Variants in POU2F1 observed in about 807,000 individuals in gnomAD.
The protein encoded by POU2F1 is POU class 2 homeobox 1.
A neutral mutation model predicts 84.9 loss-of-function variants in POU2F1; 16 were observed. The observed-to-expected ratio is 0.19, with a 90% confidence interval of 0.13 to 0.29. The LOEUF is 0.29. Among genes scored for constraint, POU2F1 ranks in the 10% least tolerant of loss-of-function variants. The pLI is 1.00. For missense variants in POU2F1, 738 were observed against 942.6 expected (o/e 0.78, Z 2.84); for synonymous variants, 368 against 368.3 (o/e 1.00, Z 0.01).
chr1:167,414,399 TC>T, intron 15 of POU2F1: 1 of 985,402 alleles, frequency 1.0e-6, no homozygotes, highest in Non-Finnish European at 1.2e-6. Flanking sequence ...CTGCACTGTC[TC>T]ACTGTTCTGT....
At chr1:167,267,391 C>T in intron 1 of POU2F1, among the ~76,000 whole-genome samples, 1 of 136,078 alleles carries the variant, frequency 7.3e-6, no homozygotes, top group Non-Finnish European at 1.6e-5. Flanking sequence ...GTTTTACAAT[C>T]AGGAAAAAAA....
At chr1:167,404,299 A>G (rs1174025841) in intron 13 of POU2F1, among the ~76,000 whole-genome samples, 1 of 151,632 alleles carries the variant, frequency 6.6e-6, no homozygotes, top group Non-Finnish European at 1.5e-5. Flanking sequence ...TGAATGCAAG[A>G]TTACATTACT....
In POU2F1 at chr1:167,399,225, G is replaced by A. The variant is rs767793593; in HGVS notation, c.1309G>A (p.Asp437Asn). Residue 437 changes from aspartate (D) to asparagine (N), a missense_variant, in exon 12 of 16, where the codon GAT becomes AAT. This residue lies in a region of POU2F1 where 95 missense variants were observed against 195.1 expected (regional missense o/e 0.49). Coordinates refer to ENST00000367866, the MANE Select transcript of POU2F1 (RefSeq NM_002697.4). ...PTSEEITMIA[D>N]QLNMEKEVIR... ...CTCGGAAGAGATCACTATGATTGCT[G>A]ATCAGCTCAATATGGAAAAAGAGGT... The A allele has an allele frequency of 1.9e-6, 3 of 1,613,708 alleles. No individual in the cohort carries two copies. Among genetic ancestry groups the A allele is most frequent in the Non-Finnish European group, 2.5e-6 (3 of 1,179,892 alleles).
intron 1 of POU2F1, among the ~76,000 whole-genome samples, chr1:167,323,828 G>T: frequency 6.6e-6 from 1 of 152,090 alleles, no homozygotes; most frequent in East Asian, 1.9e-4. Context: ...GAGTAGTTGG[G>T]ACTATAGGCG....
intron 1 of POU2F1, among the ~76,000 whole-genome samples, chr1:167,246,985 C>T (rs2102391580): frequency 6.6e-6 from 1 of 151,518 alleles, no homozygotes; most frequent in Middle Eastern, 3.4e-3. Flanking sequence ...GAACCACGTG[C>T]TATAGAGTTT....
At chr1:167,276,394 ATTATTC>A (rs1425035171) in intron 1 of POU2F1, among the ~76,000 whole-genome samples, 2 of 152,142 alleles carry the variant, frequency 1.3e-5, no homozygotes, top group Non-Finnish European at 1.5e-5. Context: ...CTTCTATTTT[ATTATTC>A]TTATTGTTAA....
intron 1 of POU2F1, 121 bp downstream of exon 1, chr1:167,221,079 T>TG (rs905125263): frequency 5.2e-5 from 44 of 847,544 alleles, no homozygotes; most frequent in East Asian, 1.9e-4. Flanking sequence ...GGCGGGGAGA[T>TG]GGGGGGCCGG....
Position 167,416,106 on chromosome 1 carries a change from A to G in POU2F1, c.*296A>G. On this transcript the variant is annotated 3_prime_UTR_variant, in exon 16 of 16. Coordinates refer to ENST00000367866, the MANE Select transcript of POU2F1 (RefSeq NM_002697.4). ...AAAAATTAAAAAAAAAAAAAAAAAAAGAAACAAAAAAATCAAAAACAAACA... is the reference window on the plus strand; with the variant it reads ...AAAAATTAAAAAAAAAAAAAAAAAAGGAAACAAAAAAATCAAAAACAAACA... 9 of 490,094 alleles carry G rather than the reference A, an allele frequency of 1.8e-5. No individual in the cohort carries two copies. Among genetic ancestry groups the G allele is most frequent in the East Asian group, 9.4e-5 (2 of 21,380 alleles). 30.4% of individuals were successfully genotyped at this position (490,094 alleles called of 1,614,324 possible).
chr1:167,227,351 T>TC (rs1245514293), intron 1 of POU2F1, among the ~76,000 whole-genome samples: 2 of 152,090 alleles, frequency 1.3e-5, no homozygotes, highest in East Asian at 1.9e-4. Flanking sequence ...ATGGCAGGTT[T>TC]CCCCCCCTCT....
intron 9 of POU2F1, among the ~76,000 whole-genome samples, 163 bp downstream of exon 9, chr1:167,389,924 T>G (rs960092209): frequency 6.6e-6 from 1 of 152,236 alleles, no homozygotes; most frequent in Non-Finnish European, 1.5e-5. Flanking sequence ...ATGTATAGAC[T>G]TTTTTCTTGC....
At chr1:167,292,296 G>A (rs71630396) in intron 1 of POU2F1, among the ~76,000 whole-genome samples, 3,514 of 151,952 alleles carry the variant, frequency 0.023, 66 homozygotes, top group Non-Finnish European at 0.037. Context: ...CTACTTATTG[G>A]TGCAATTTTT....
intron 10 of POU2F1, among the ~76,000 whole-genome samples, chr1:167,397,263 T>G (rs958428976): frequency 3.9e-5 from 6 of 152,252 alleles, no homozygotes; most frequent in African/African-American, 1.4e-4. Context: ...TTGTTTCTTT[T>G]CTTTTTACCC....
intron 1 of POU2F1, among the ~76,000 whole-genome samples, chr1:167,257,384 A>G (rs976577020): frequency 6.6e-6 from 1 of 152,210 alleles, no homozygotes; most frequent in African/African-American, 2.4e-5. Context: ...CCTATGTCCA[A>G]ATGATGAGAG....
At chr1:167,313,067 A>C (rs1398144836) in intron 1 of POU2F1, among the ~76,000 whole-genome samples, 1 of 152,244 alleles carries the variant, frequency 6.6e-6, no homozygotes, top group Non-Finnish European at 1.5e-5. Context: ...ATTTCTTAGA[A>C]TATAGCCCCA....
intron 1 of POU2F1, among the ~76,000 whole-genome samples, chr1:167,252,553 C>G (rs1175842678): frequency 6.6e-6 from 1 of 152,168 alleles, no homozygotes; most frequent in Non-Finnish European, 1.5e-5. Flanking sequence ...GAAGGGGAAC[C>G]AGCGCCCTAT....
At chr1:167,294,578 AAC>A (rs1347595985) in intron 1 of POU2F1, among the ~76,000 whole-genome samples, 1 of 152,176 alleles carries the variant, frequency 6.6e-6, no homozygotes, top group African/African-American at 2.4e-5. Context: ...GCAGGAGAAA[AAC>A]ACAAATAATT....
Position 167,233,967 on chromosome 1 carries a change from G to A in POU2F1, c.61+13009G>A, listed in dbSNP as rs1367968323. Among the ~76,000 whole-genome samples, 5 of 152,192 alleles carry A rather than the reference G, an allele frequency of 3.3e-5. No homozygotes were observed. In the South Asian group the frequency reaches 8.3e-4, roughly 25 times the overall value. On this transcript the variant is annotated intron_variant, in intron 1 of 15. Transcript: ENST00000367866. ...TTATGTTAATTACAGTGACCCCCATGGGGTGTGTATTGTTATCCTATCTTT... is the reference window on the plus strand; with the variant it reads ...TTATGTTAATTACAGTGACCCCCATAGGGTGTGTATTGTTATCCTATCTTT...
At chr1:167,250,074 T>G (rs771646140) in intron 1 of POU2F1, among the ~76,000 whole-genome samples, 1 of 152,210 alleles carries the variant, frequency 6.6e-6, no homozygotes, top group Non-Finnish European at 1.5e-5. Flanking sequence ...TCAAATTCTT[T>G]TGTGTGTCAT....
chr1:167,398,292 C>G (rs746295210), intron 11 of POU2F1, among the ~76,000 whole-genome samples, 159 bp downstream of exon 11: 6 of 152,166 alleles, frequency 3.9e-5, no homozygotes, highest in Non-Finnish European at 5.9e-5. Context: ...ACATAGGAGA[C>G]AGAACCAGAG....
Sources: allele counts gnomAD v4.1 joint callset (sites outside exome capture counted in the v4.1 genomes callset), GRCh38; gene constraint gnomAD v4.1.1; regional missense constraint gnomAD v4.1.1; transcripts MANE v1.5; gene names NCBI Gene and HGNC (gene_info 2026-07-23, HGNC 2026-07-21).